The following PSD3 variants were observed in gnomAD, a reference collection of about 807,000 sequenced individuals.
The protein encoded by PSD3 is pleckstrin and Sec7 domain containing 3.
PSD3 carries 49 observed loss-of-function variants against 105.5 expected under a neutral mutation model. That is an observed-to-expected ratio of 0.46 (90% CI 0.37 to 0.59). The LOEUF (loss-of-function observed/expected upper bound fraction) is 0.59. PSD3 is among the 20% of genes least tolerant of loss of function. PSD3 has a pLI of 0.00. For missense variants in PSD3, 1,561 were observed against 1,263.8 expected (o/e 1.24, Z -3.57); for synonymous variants, 557 against 457.8 (o/e 1.22, Z -2.77).
chr8:18,557,221 T>A (rs957705921), intron 14 of PSD3, among the ~76,000 whole-genome samples: 3 of 152,192 alleles, frequency 2.0e-5, no homozygotes, highest in Non-Finnish European at 4.4e-5. Flanking sequence ...TTATCCAAAT[T>A]TCACAGGTAC....
intron 11 of PSD3, among the ~76,000 whole-genome samples, chr8:18,615,565 T>G (rs553988175): frequency 6.6e-6 from 1 of 152,370 alleles, no homozygotes; most frequent in African/African-American, 2.4e-5. Context: ...ACTTTATATA[T>G]AACATTTGAT....
At chr8:18,655,461 A>G (rs9325838) in intron 10 of PSD3, among the ~76,000 whole-genome samples, 181 bp downstream of exon 10, 20,807 of 152,176 alleles carry the variant, frequency 0.14, 1,924 homozygotes, top group African/African-American at 0.27. Flanking sequence ...TAAAACCGAA[A>G]TAGGTTTTAC....
At chr8:18,703,843 T>A (rs543676753) in intron 9 of PSD3, among the ~76,000 whole-genome samples, 7 of 152,354 alleles carry the variant, frequency 4.6e-5, no homozygotes, top group African/African-American at 1.7e-4. Context: ...ATCATTTTCA[T>A]AATTTGTCCT....
chr8:19,024,556 A>G (rs1454221355), intron 1 of PSD3, among the ~76,000 whole-genome samples: 1 of 152,142 alleles, frequency 6.6e-6, no homozygotes, highest in African/African-American at 2.4e-5. Context: ...TTTATTCATA[A>G]AGAAGCCACT....
At chr8:18,948,440 T>C (rs1037146287) in intron 1 of PSD3, among the ~76,000 whole-genome samples, 2 of 152,120 alleles carry the variant, frequency 1.3e-5, no homozygotes, top group African/African-American at 4.8e-5. Flanking sequence ...TCAGGATCCC[T>C]ATGAGGAAAT....
intron 15 of PSD3, among the ~76,000 whole-genome samples, chr8:18,553,224 C>T (rs1800880233): frequency 6.6e-6 from 1 of 152,180 alleles, no homozygotes; most frequent in African/African-American, 2.4e-5. Flanking sequence ...CCAAGGGAGG[C>T]CCTGTTGAGG....
At chr8:18,628,828 G>A (rs1471366838) in intron 11 of PSD3, among the ~76,000 whole-genome samples, 1 of 151,564 alleles carries the variant, frequency 6.6e-6, no homozygotes, top group Non-Finnish European at 1.5e-5. Flanking sequence ...CAGCAAACAG[G>A]CCAATAGTGA....
At chr8:18,897,898 T>C (rs1159341372) in intron 2 of PSD3, among the ~76,000 whole-genome samples, 1 of 152,210 alleles carries the variant, frequency 6.6e-6, no homozygotes, top group Non-Finnish European at 1.5e-5. Context: ...CAGAGGTTTT[T>C]ATTTTTTGAA....
intron 1 of PSD3, among the ~76,000 whole-genome samples, chr8:18,990,521 G>C (rs1825733113): frequency 6.6e-6 from 1 of 152,170 alleles, no homozygotes; most frequent in African/African-American, 2.4e-5. Flanking sequence ...TGCCTGGCCA[G>C]CAATCCTTCT....
Position 19,035,650 on chromosome 8 carries a change from G to GT in PSD3, c.324+48555dup, listed in dbSNP as rs1200873619. 7.9e-5 allele frequency among the ~76,000 whole-genome samples: 12 copies of GT among 151,034 alleles called. No individual in the cohort carries two copies. The East Asian group carries it at 1.2e-3, about 15-fold the overall frequency. ...TACAACCTCAGCCTCCCAAAGTTAC[G>GT]TTTTTTTTGGCCAAATTTTAACCAA... On this transcript the variant is annotated intron_variant, in intron 1 of 1. Coordinates refer to the PSD3 transcript ENST00000521475.
chr8:18,830,012 G>A (rs1198620671), intron 4 of PSD3, among the ~76,000 whole-genome samples: 37 of 152,024 alleles, frequency 2.4e-4, no homozygotes, highest in Non-Finnish European at 1.5e-5. Flanking sequence ...TTGTCAGCGA[G>A]CCTGGAGCGC....
intron 9 of PSD3, among the ~76,000 whole-genome samples, chr8:18,759,932 C>A (rs11988686): frequency 1.4e-5 from 2 of 146,938 alleles, no homozygotes; most frequent in Admixed American, 1.4e-4. Context: ...GAGAAATGGA[C>A]AATTATCAAC....
At chr8:19,076,651 C>G (rs917115824) in intron 1 of PSD3, among the ~76,000 whole-genome samples, 1 of 152,128 alleles carries the variant, frequency 6.6e-6, no homozygotes, top group Non-Finnish European at 1.5e-5. Flanking sequence ...ATGAAATGCT[C>G]ATTAGAAAAG....
At chr8:19,037,835 T>C (rs1255875347) in intron 1 of PSD3, among the ~76,000 whole-genome samples, 1 of 151,958 alleles carries the variant, frequency 6.6e-6, no homozygotes, top group East Asian at 1.9e-4. Flanking sequence ...AGATAGTGGA[T>C]CATGAGACTT....
intron 12 of PSD3, among the ~76,000 whole-genome samples, chr8:18,588,984 T>G (rs1169773892): frequency 1.3e-5 from 2 of 152,220 alleles, no homozygotes; most frequent in African/African-American, 4.8e-5. Context: ...AAGGCAGCTA[T>G]GCCCCTTAAC....
intron 2 of PSD3, among the ~76,000 whole-genome samples, chr8:18,881,945 C>A (rs765317536): frequency 6.6e-6 from 1 of 152,148 alleles, no homozygotes; most frequent in Admixed American, 6.6e-5. Flanking sequence ...AGGTGGCTCA[C>A]GCCTGTAATC....
intron 9 of PSD3, among the ~76,000 whole-genome samples, chr8:18,684,973 C>T (rs1424608324): frequency 1.3e-5 from 2 of 152,162 alleles, no homozygotes; most frequent in African/African-American, 2.4e-5. Context: ...CTCAGGATTG[C>T]GATGTCTCAC....
In PSD3 at chr8:18,804,994, G is replaced by A. The variant is rs910404197; in HGVS notation, c.1635-96C>T. 7 of 1,069,256 alleles carry A rather than the reference G, an allele frequency of 6.5e-6. No homozygotes were observed. The Admixed American group carries it at 7.2e-5, about 11-fold the overall frequency. 66.2% of individuals were successfully genotyped at this position (1,069,256 alleles called of 1,614,324 possible). On this transcript the variant is annotated intron_variant, in intron 4 of 15. Coordinates refer to ENST00000327040, the MANE Select transcript of PSD3 (RefSeq NM_015310.4). ...ATATTGATAGTTTTCTTTTAGTTCA[G>A]CTACACTTAGATGAGATCACTGTAT... is the stretch of plus-strand genomic sequence containing the variant.
intron 15 of PSD3, among the ~76,000 whole-genome samples, chr8:18,545,591 G>A (rs984915283): frequency 1.3e-5 from 2 of 152,146 alleles, no homozygotes; most frequent in African/African-American, 2.4e-5. Flanking sequence ...ACTAAATTTT[G>A]CCTAAGGATA....
Sources: allele counts gnomAD v4.1 joint callset (sites outside exome capture counted in the v4.1 genomes callset), GRCh38; gene constraint gnomAD v4.1.1; transcripts MANE v1.5; gene names NCBI Gene and HGNC (gene_info 2026-07-23, HGNC 2026-07-21).